The following TAF1 variants were observed in gnomAD, a reference collection of about 807,000 sequenced individuals.
TAF1 encodes the protein transcription initiation factor TFIID subunit 1.
TAF1 carries 2 observed loss-of-function variants against 138.5 expected under a neutral mutation model. The ratio of observed to expected loss-of-function variants is 0.01; its 90% CI spans 0.01 to 0.05. The LOEUF is 0.05. Ranked by LOEUF, TAF1 falls within the 10% of genes least tolerant of loss-of-function variation. The pLI, the probability that TAF1 is intolerant of heterozygous loss-of-function variation, is 1.00. For synonymous variants in TAF1, 437 were observed against 503.2 expected (o/e 0.87, Z 1.76); for missense variants, 709 against 1,478.0 (o/e 0.48, Z 8.53).
chrX:71,449,053 C>T (rs1235970315), intron 32 of TAF1, among the ~76,000 whole-genome samples: 2 of 90,454 alleles, frequency 2.2e-5, no homozygotes, highest in Admixed American at 1.2e-4. Flanking sequence ...AGTTCAATGG[C>T]GCGATCTCGG....
intron 25 of TAF1, among the ~76,000 whole-genome samples, chrX:71,405,328 C>CAT (rs2035410138): frequency 9.0e-6 from 1 of 110,536 alleles, no homozygotes; most frequent in South Asian, 3.8e-4. Flanking sequence ...CAGTTACAGT[C>CAT]ATTTATGTGT....
chrX:71,382,551 A>G lies in TAF1; in HGVS notation c.1553A>G (p.Lys518Arg), dbSNP rs1390001916. The G allele has an allele frequency of 8.3e-7, 1 of 1,204,099 alleles. No homozygotes were observed. The highest frequency in any genetic ancestry group is 3.0e-5 in the East Asian group (1 of 33,757). ...TTATTCTCAGAAATTCCTGATGAGA[A>G]GGAAGAGGCCACCTCTAACTCCCCC... ...ENLILEIPDE[K>R]EEATSNSPSK... The change falls in exon 10 of 38, where the codon AAG becomes AGG. Residue 518 changes from lysine to arginine, a missense_variant. Lys to Arg is a conservative substitution (Grantham distance 26). This residue lies in a region of TAF1 where 201 missense variants were observed against 421.3 expected (regional missense o/e 0.48). Transcript: ENST00000423759.
downstream of TAF1, among the ~76,000 whole-genome samples, chrX:71,468,984 T>C (rs1173113437): frequency 1.8e-5 from 2 of 111,713 alleles, no homozygotes; most frequent in African/African-American, 3.3e-5. Flanking sequence ...GGAGACCCTA[T>C]GTCAAAACAA....
chrX:71,468,510 AC>A (rs1213887470), downstream of TAF1, among the ~76,000 whole-genome samples: 1 of 107,847 alleles, frequency 9.3e-6, no homozygotes, highest in Non-Finnish European at 1.9e-5. Flanking sequence ...ACATGGTGAA[AC>A]CCCGTCTCTA....
rs973481556 is a variant in TAF1 at position 71,505,998 on chromosome X, C to A, written c.1367-22544C>A. On this transcript the variant is annotated intron_variant and NMD_transcript_variant, in intron 13 of 14. Coordinates refer to the TAF1 transcript ENST00000373775. ...TCACACCACTGCACTCCAGCCCAGGCGACAGAGCAAGACTCTGCCTCAGTA... is the reference window on the plus strand; with the variant it reads ...TCACACCACTGCACTCCAGCCCAGGAGACAGAGCAAGACTCTGCCTCAGTA... 2.5e-4 allele frequency among the ~76,000 whole-genome samples: 27 copies of A among 107,908 alleles called. 1 individual carries two copies. The highest frequency in any genetic ancestry group is 1.6e-3 in the Admixed American group (16 of 9,936). 93.7% of individuals were successfully genotyped at this position (107,908 alleles called of 115,157 possible).
intron 14 of TAF1, chrX:71,528,733 T>C (rs965082598): frequency 3.4e-5 from 11 of 324,410 alleles, no homozygotes; most frequent in Non-Finnish European, 6.5e-5. Context: ...GCGGTGAGTG[T>C]TACAGCTCTT....
rs753970037 is a variant in TAF1 at position 71,404,928 on chromosome X, A to C, written c.3999-1710A>C. Among the ~76,000 whole-genome samples the C allele has an allele frequency of 4.9e-5, 5 of 101,529 alleles. No homozygotes were observed. The South Asian group carries it at 2.4e-3, about 48-fold the overall frequency. The allele number at this position is 101,529 out of a possible 115,157, so 88.2% of individuals were successfully genotyped here. A position where few individuals can be genotyped will look rare whatever the true frequency, so the allele number is the denominator to read the frequency against. ...ATTTTTCTTGGACTACATGCCACTGAGGTATAGTTAGGTTATTCCAAACTT... is the reference window on the plus strand; with the variant it reads ...ATTTTTCTTGGACTACATGCCACTGCGGTATAGTTAGGTTATTCCAAACTT... On this transcript the variant is annotated intron_variant, in intron 25 of 37. Transcript: ENST00000423759.
intron 13 of TAF1, among the ~76,000 whole-genome samples, chrX:71,525,250 CA>C (rs2039980636): frequency 9.0e-6 from 1 of 110,919 alleles, no homozygotes; most frequent in Non-Finnish European, 1.9e-5. Context: ...CCATGTTGGC[CA>C]GGCTGATCTG....
chrX:71,488,245 T>C (rs958704119), intron 13 of TAF1, among the ~76,000 whole-genome samples: 3 of 96,006 alleles, frequency 3.1e-5, no homozygotes, highest in East Asian at 3.1e-4. Context: ...GTTTCTTTTT[T>C]TTTTTTTTTT....
chrX:71,528,998 G>A (rs1466027973), intron 14 of TAF1, among the ~76,000 whole-genome samples: 2 of 111,746 alleles, frequency 1.8e-5, no homozygotes, highest in Non-Finnish European at 3.8e-5. Context: ...GCGCTAATTG[G>A]TGCATTTTAC....
In TAF1 at chrX:71,464,124, T is replaced by G. The variant is rs1205580115; in HGVS notation, c.*78T>G. 6.5e-5 allele frequency: 60 copies of G among 917,340 alleles called. No homozygotes were observed. Among genetic ancestry groups the G allele is most frequent in the Non-Finnish European group, 9.0e-5 (59 of 656,595 alleles). The allele number at this position is 917,340 out of a possible 1,213,427, so 75.6% of individuals were successfully genotyped here. On this transcript the variant is annotated 3_prime_UTR_variant, in exon 38 of 38. Coordinates refer to ENST00000423759, the MANE Select transcript of TAF1 (RefSeq NM_004606.5). ...TTCACCTTTCCCCAATTTGTTCATA[T>G]TTGTACAGTATCTGATCCTGAAATC...
intron 32 of TAF1, among the ~76,000 whole-genome samples, chrX:71,449,841 T>C (rs2037874399): frequency 1.8e-5 from 2 of 112,150 alleles, no homozygotes; most frequent in South Asian, 7.4e-4. Flanking sequence ...GGCGTGATCA[T>C]GGCTCACTGC....
chrX:71,452,083 G>A (rs2038000972), intron 32 of TAF1, among the ~76,000 whole-genome samples: 1 of 104,689 alleles, frequency 9.6e-6, no homozygotes, highest in South Asian at 4.3e-4. Context: ...CCTCCCGGAC[G>A]GGGCGGCTGG....
intron 32 of TAF1, among the ~76,000 whole-genome samples, chrX:71,444,696 G>T (rs1390376323): frequency 9.0e-6 from 1 of 111,202 alleles, no homozygotes; most frequent in African/African-American, 3.3e-5. Context: ...GAAGTCCTGG[G>T]ATTACAGGTG....
chrX:71,516,261 G>A (rs1382564142), intron 13 of TAF1, among the ~76,000 whole-genome samples: 3 of 95,008 alleles, frequency 3.2e-5, no homozygotes, highest in South Asian at 5.1e-4. Context: ...TTGTAGAGTT[G>A]GGATTTCTTC....
intron 3 of TAF1, 38 bp downstream of exon 3, chrX:71,368,208 A>G (rs1203421254): frequency 1.2e-5 from 14 of 1,175,901 alleles, no homozygotes; most frequent in Non-Finnish European, 1.5e-5. Context: ...ATTCCAGTGC[A>G]TTATCCTGCT....
intron 13 of TAF1, among the ~76,000 whole-genome samples, chrX:71,493,580 G>A (rs1264365408): frequency 8.9e-6 from 1 of 112,721 alleles, no homozygotes; most frequent in Admixed American, 9.4e-5. Context: ...TTGTTCTGTA[G>A]AAGCGCTTTG....
chrX:71,400,238 C>T (rs1435812164), intron 24 of TAF1, among the ~76,000 whole-genome samples: 1 of 109,690 alleles, frequency 9.1e-6, no homozygotes. Flanking sequence ...TACAGGCGTG[C>T]ACCACCATGC....
chrX:71,445,617 T>C (rs2037658237), intron 32 of TAF1, among the ~76,000 whole-genome samples: 3 of 111,826 alleles, frequency 2.7e-5, no homozygotes, highest in Non-Finnish European at 5.6e-5. Context: ...CTCACTCTTT[T>C]TCAAAACTGT....
Sources: allele counts gnomAD v4.1 joint callset (sites outside exome capture counted in the v4.1 genomes callset), GRCh38; gene constraint gnomAD v4.1.1; regional missense constraint gnomAD v4.1.1; transcripts MANE v1.5; gene names NCBI Gene and HGNC (gene_info 2026-07-23, HGNC 2026-07-21).